Variants in MORC2 observed in about 807,000 individuals in gnomAD.
The protein encoded by MORC2 is ATPase MORC2.
MORC2 carries 30 observed loss-of-function variants against 136.0 expected under a neutral mutation model. The observed-to-expected ratio is 0.22, with a 90% CI of 0.17 to 0.30. MORC2 has a LOEUF of 0.30. Ranked by LOEUF, MORC2 falls within the 10% of genes least tolerant of loss-of-function variation. The pLI is 1.00. For missense variants in MORC2, 922 were observed against 1,333.1 expected, an observed-to-expected ratio of 0.69 and a Z score of 4.80; for synonymous variants, 439 against 487.0, an observed-to-expected ratio of 0.90 and a Z score of 1.30.
chr22:30,955,033 A>G (rs888915683), intron 3 of MORC2, among the ~76,000 whole-genome samples: 5 of 138,086 alleles, frequency 3.6e-5, no homozygotes, highest in African/African-American at 1.4e-4. Context: ...ATCTTGGCTC[A>G]TGGCAACTTC....
Position 30,941,635 on chromosome 22 carries a change from C to A in MORC2, c.699-77G>T. The A allele has an allele frequency of 6.5e-7, 1 of 1,546,070 alleles. No homozygotes were observed. Among genetic ancestry groups the A allele is most frequent in the Non-Finnish European group, 8.8e-7 (1 of 1,138,368 alleles). ...GACCAAGGGCACAACATCCTCTCTG[C>A]AGGCTCTCCACCTTTCCATGTTAGG... On this transcript the variant is annotated intron_variant, in intron 8 of 25. Transcript: ENST00000397641. This position sits in a 1 kb window ranked among gnomAD's most constrained non-coding sequence, Gnocchi z 4.6.
At chr22:30,956,732 T>C (rs1467939444) in intron 3 of MORC2, 31 bp downstream of exon 3, 5 of 1,498,998 alleles carry the variant, frequency 3.3e-6, no homozygotes, top group Non-Finnish European at 3.6e-6. Flanking sequence ...TAAGATGAAC[T>C]AGACATTAGA....
intron 20 of MORC2, 131 bp downstream of exon 20, chr22:30,933,929 G>GGT (rs1469228334): frequency 1.8e-6 from 2 of 1,091,178 alleles, no homozygotes; most frequent in African/African-American, 3.2e-5. Context: ...GCTGGTGGGG[G>GGT]GGGTAGACTG....
intron 1 of MORC2, among the ~76,000 whole-genome samples, chr22:30,961,443 A>G (rs899444116): frequency 6.6e-6 from 1 of 152,220 alleles, no homozygotes; most frequent in African/African-American, 2.4e-5. Context: ...TATCAAACAT[A>G]TAAGTGACTT....
intron 25 of MORC2, 132 bp downstream of exon 25, chr22:30,927,887 G>A (rs2040512779): frequency 1.8e-6 from 2 of 1,089,952 alleles, no homozygotes; most frequent in Non-Finnish European, 2.6e-6. Flanking sequence ...CTGCCAGGGT[G>A]CTGTGCAGCC....
In MORC2 at chr22:30,934,784, G is replaced by A. The variant is rs376896083; in HGVS notation, c.2190C>T (p.Ser730=). ...VKKTESPIKL[S]PATPSRKRSV... ...TTAAAGAGGACAAGCGTCTCACCGG[G>A]GAGAGTTTGATGGGTGACTCTGTCT... The change falls in exon 19 of 26, where the codon TCC becomes TCT. Residue 730 remains serine, a synonymous_variant. Transcript: ENST00000397641. The surrounding 1 kb of genome is among the most constrained non-coding windows in gnomAD (Gnocchi z 4.4). 4.6e-5 allele frequency: 74 copies of A among 1,614,044 alleles called. 2 individuals carry two copies. In the South Asian group the frequency reaches 8.0e-4, roughly 17 times the overall value.
At position 30,933,069 on chromosome 22, in the gene MORC2, G is replaced by C. The variant is rs2074578; in HGVS notation, c.2381-39C>G. ...CAGAGGTGCGAGTCAGAAAACTAGC[G>C]TAGAGTCCCTCACTTGGCCTGGGCC... On this transcript the variant is annotated intron_variant, in intron 21 of 25. Transcript: ENST00000397641. 856,712 of 1,609,794 alleles carry C rather than the reference G, an allele frequency of 0.53. 230,475 individuals are homozygous for C. Among genetic ancestry groups the C allele is most frequent in the East Asian group, 0.73 (32,520 of 44,814 alleles).
In MORC2 at chr22:30,968,328, C is replaced by T. The variant is rs1287913271; in HGVS notation, c.-439G>A. The T allele has an allele frequency of 3.2e-5, 5 of 157,878 alleles. No individual in the cohort carries two copies. The Admixed American group carries it at 3.2e-4, about 10-fold the overall frequency. 9.8% of individuals were successfully genotyped at this position (157,878 alleles called of 1,614,324 possible). On this transcript the variant is annotated 5_prime_UTR_variant, in exon 1 of 26. Transcript: ENST00000397641. Reference sequence around the variant, plus strand: ...GGAAATTTACCAACGCGGAAATTTACCCACTTCTGTCAGAAAACTGATCAG... The same window carrying T: ...GGAAATTTACCAACGCGGAAATTTATCCACTTCTGTCAGAAAACTGATCAG...
intron 1 of MORC2, among the ~76,000 whole-genome samples, chr22:30,961,599 A>G (rs2041046048): frequency 6.6e-6 from 1 of 152,222 alleles, no homozygotes; most frequent in East Asian, 1.9e-4. Context: ...AATCTCAAAA[A>G]TAGAGCTACC....
At position 30,937,540 on chromosome 22, in the gene MORC2, G is replaced by A. The variant is rs376851032; in HGVS notation, c.1498+43C>T. ...GGAAGATAGAGAAAAGAGGCTTGTG[G>A]GCTGATGGAAATGAGTCGGGGGGGT... On this transcript the variant is annotated intron_variant, in intron 15 of 25. Coordinates refer to ENST00000397641, the MANE Select transcript of MORC2 (RefSeq NM_001303256.3). The surrounding 1 kb of genome is among the most constrained non-coding windows in gnomAD (Gnocchi z 4.7). 4 of 1,600,818 alleles carry A rather than the reference G, an allele frequency of 2.5e-6. No individual in the cohort carries two copies. Among genetic ancestry groups the A allele is most frequent in the South Asian group, 1.1e-5 (1 of 89,216 alleles).
Position 30,946,349 on chromosome 22 carries a change from T to C in MORC2, c.418A>G (p.Ile140Val), listed in dbSNP as rs1376548988. ...LSRTFHEEEGIDEVIVPLPTW... is the reference protein window; with the variant it reads ...LSRTFHEEEGVDEVIVPLPTW... ...ACGATGATGGGACCTACTTCATCAA[T>C]GCCTTCTTCCTCATGAAACGTGCGA... The change falls in exon 6 of 26, where the codon ATT becomes GTT. Residue 140 changes from isoleucine to valine, a missense_variant. By Grantham distance (29) the Ile-to-Val change is conservative. This residue lies in a region of MORC2 where 261 missense variants were observed against 354.3 expected (regional missense o/e 0.74). Coordinates refer to ENST00000397641, the MANE Select transcript of MORC2 (RefSeq NM_001303256.3). 3.1e-6 allele frequency: 5 copies of C among 1,607,582 alleles called. No individual in the cohort carries two copies. Among genetic ancestry groups the C allele is most frequent in the Middle Eastern group, 1.6e-4 (1 of 6,068 alleles).
Position 30,938,217 on chromosome 22 carries a change from AAAAAACT to A in MORC2, c.1074-19_1074-13del. ...GTTCTTTAAGTGCTCTAAGAAGACA[AAAAAACT>A]CAAGCAGATCTACACATCGGCACAC... On this transcript the variant is annotated splice_polypyrimidine_tract_variant and intron_variant, in intron 12 of 25. Coordinates refer to ENST00000397641, the MANE Select transcript of MORC2 (RefSeq NM_001303256.3). 2 of 1,523,536 alleles carry A rather than the reference AAAAAACT, an allele frequency of 1.3e-6. No homozygotes were observed. Among genetic ancestry groups the A allele is most frequent in the Non-Finnish European group, 1.8e-6 (2 of 1,130,514 alleles). 94.4% of individuals were successfully genotyped at this position (1,523,536 alleles called of 1,614,324 possible). A position where few individuals can be genotyped will look rare whatever the true frequency, so the allele number is the denominator to read the frequency against.
intron 12 of MORC2, among the ~76,000 whole-genome samples, chr22:30,938,609 G>A (rs911944284): frequency 1.3e-5 from 2 of 151,964 alleles, no homozygotes; most frequent in East Asian, 1.9e-4. Context: ...TTGCTCTGTC[G>A]CCCAGGCTGG....
intron 2 of MORC2, among the ~76,000 whole-genome samples, chr22:30,957,171 C>T (rs1362471134): frequency 2.6e-5 from 4 of 152,044 alleles, no homozygotes; most frequent in Non-Finnish European, 5.9e-5. Flanking sequence ...AAAGATGTTC[C>T]AATAACTTGT....
Position 30,932,260 on chromosome 22 carries a change from G to T in MORC2, c.2841+99C>A. The T allele has an allele frequency of 9.5e-7, 1 of 1,052,018 alleles. No homozygotes were observed. Among genetic ancestry groups the T allele is most frequent in the Non-Finnish European group, 1.4e-6 (1 of 706,852 alleles). The allele number at this position is 1,052,018 out of a possible 1,614,324, so 65.2% of individuals were successfully genotyped here. A position where few individuals can be genotyped will look rare whatever the true frequency, so the allele number is the denominator to read the frequency against. ...AGCACACAGCTGAGAGCTAGCAACT[G>T]CAACAAGCGTAACAATCATAATCAC... On this transcript the variant is annotated intron_variant, in intron 24 of 25. Transcript: ENST00000397641. The surrounding 1 kb of genome is among the most constrained non-coding windows in gnomAD (Gnocchi z 4.4).
chr22:30,965,107 TTGCAAGCACACGGTCTTTTCAC>T (rs1185993619), intron 1 of MORC2, among the ~76,000 whole-genome samples: 1 of 152,252 alleles, frequency 6.6e-6, no homozygotes, highest in Non-Finnish European at 1.5e-5. Flanking sequence ...TTTGGCTGGT[TTGCAAGCACACGGTCTTTTCAC>T]TGCACCACAC....
At position 30,949,892 on chromosome 22, in the gene MORC2, G is replaced by A. The variant is rs199832140; in HGVS notation, c.227-50C>T. The A allele has an allele frequency of 5.3e-5, 83 of 1,563,592 alleles. No homozygotes were observed. The East Asian group carries it at 1.7e-3, about 32-fold the overall frequency. ...GTGAAAAGTTTGCATTTCTTTCCCA[G>A]GGTCCTCAAAGTCAAAGGTCTGAGC... On this transcript the variant is annotated intron_variant, in intron 4 of 25. Coordinates refer to ENST00000397641, the MANE Select transcript of MORC2 (RefSeq NM_001303256.3).
At chr22:30,952,880 G>A (rs1206350889) in intron 3 of MORC2, among the ~76,000 whole-genome samples, 1 of 152,178 alleles carries the variant, frequency 6.6e-6, no homozygotes, top group Non-Finnish European at 1.5e-5. Flanking sequence ...AGGACAGGAG[G>A]GTTTAAGCTG....
At position 30,950,423 on chromosome 22, in the gene MORC2, T is replaced by C. The variant is rs771559365; in HGVS notation, c.180A>G (p.Gly60=). Residue 60 remains glycine (G), a synonymous_variant, in exon 4 of 26, where the codon GGA becomes GGG. Transcript: ENST00000397641. ...CATCCAAAAAGCAAAGCATAAATCC[T>C]CCTCGAAGGTCCTCTCGTCTTTCTG... is the stretch of plus-strand genomic sequence containing the variant. ...IYAERREDLR[G]GFMLCFLDDG... is the part of the protein sequence containing the mutation. 7.0e-7 allele frequency: 1 copy of C among 1,423,286 alleles called. No individual in the cohort carries two copies. Among genetic ancestry groups the C allele is most frequent in the Admixed American group, 2.0e-5 (1 of 48,912 alleles). The allele number at this position is 1,423,286 out of a possible 1,614,324, so 88.2% of individuals were successfully genotyped here.
Sources: allele counts gnomAD v4.1 joint callset (sites outside exome capture counted in the v4.1 genomes callset), GRCh38; gene constraint gnomAD v4.1.1; regional missense constraint gnomAD v4.1.1; non-coding constraint Gnocchi (gnomAD v3.1); transcripts MANE v1.5; gene names NCBI Gene and HGNC (gene_info 2026-07-23, HGNC 2026-07-21).